GARRE1: variants seen among roughly 807,000 people sequenced by gnomAD.
GARRE1 encodes granule associated Rac and RHOG effector 1.
GARRE1 carries 49 observed loss-of-function variants against 103.2 expected under a neutral mutation model. The observed-to-expected ratio is 0.47, with a 90% CI of 0.38 to 0.60. The LOEUF (loss-of-function observed/expected upper bound fraction) is 0.60. Among genes scored for constraint, GARRE1 ranks in the 20% least tolerant of loss-of-function variants. The pLI is 0.00. For missense variants in GARRE1, 1,199 were observed against 1,370.5 expected, an observed-to-expected ratio of 0.87 and a Z score of 1.98; for synonymous variants, 505 against 532.8, an observed-to-expected ratio of 0.95 and a Z score of 0.72.
At chr19:34,290,949 C>T (rs1353349435) in intron 1 of GARRE1, among the ~76,000 whole-genome samples, 1 of 109,742 alleles carries the variant, frequency 9.1e-6, no homozygotes, top group Non-Finnish European at 1.7e-5. Flanking sequence ...CTCTGTCACC[C>T]AGGCTGGAGT....
At chr19:34,326,195 A>G (rs890466962) in intron 3 of GARRE1, among the ~76,000 whole-genome samples, 1 of 152,236 alleles carries the variant, frequency 6.6e-6, no homozygotes, top group Non-Finnish European at 1.5e-5. Flanking sequence ...GCTTCAGGCA[A>G]TGGTGTTTAC....
At chr19:34,273,539 T>C (rs1377638668) in intron 1 of GARRE1, among the ~76,000 whole-genome samples, 2 of 152,188 alleles carry the variant, frequency 1.3e-5, no homozygotes, top group East Asian at 3.8e-4. Context: ...AACAAATATT[T>C]GTTAAATGTT....
At chr19:34,332,010 T>C (rs1486786262) in intron 7 of GARRE1, among the ~76,000 whole-genome samples, 2 of 150,802 alleles carry the variant, frequency 1.3e-5, no homozygotes, top group Non-Finnish European at 3.0e-5. Flanking sequence ...AAAAAAAGGA[T>C]ATGGCATTTC....
In GARRE1 at chr19:34,351,546, C is replaced by T. The variant is rs190814778; in HGVS notation, c.2858C>T (p.Thr953Met). 3.5e-5 allele frequency: 56 copies of T among 1,614,038 alleles called. No individual in the cohort carries two copies. In the East Asian group the frequency reaches 8.2e-4, roughly 24 times the overall value. The change falls in exon 13 of 14, where the codon ACG becomes ATG. Residue 953 changes from threonine to methionine, a missense_variant. Thr to Met is a moderately conservative substitution (Grantham distance 81, BLOSUM62 -1). Transcript: ENST00000299505. ...KHSSGEQDTS[T>M]LPSPPLLTTV... is the part of the protein sequence containing the mutation. Reference sequence around the variant, plus strand: ...AGCAGTGGAGAGCAAGACACCAGCACGCTGCCCTCACCACCTCTCCTCACC... The same window carrying T: ...AGCAGTGGAGAGCAAGACACCAGCATGCTGCCCTCACCACCTCTCCTCACC...
At chr19:34,324,503 C>CTTT (rs397859412) in intron 3 of GARRE1, among the ~76,000 whole-genome samples, 4 of 135,476 alleles carry the variant, frequency 3.0e-5, no homozygotes, top group Admixed American at 7.5e-5. Context: ...CACCAGTGCA[C>CTTT]TTTTTTTTTT....
intron 2 of GARRE1, among the ~76,000 whole-genome samples, chr19:34,317,102 G>C (rs1172579217): frequency 6.6e-6 from 1 of 152,208 alleles, no homozygotes; most frequent in East Asian, 1.9e-4. Context: ...CCCCTTAGTA[G>C]GGGAGGGGAC....
chr19:34,282,014 G>A (rs1189663815), intron 1 of GARRE1, among the ~76,000 whole-genome samples: 1 of 152,092 alleles, frequency 6.6e-6, no homozygotes, highest in Non-Finnish European at 1.5e-5. Flanking sequence ...AAGCGTGTGT[G>A]TCTGTGTGTT....
At chr19:34,344,693 GAC>G (rs1389877122) in intron 10 of GARRE1, among the ~76,000 whole-genome samples, 2 of 151,402 alleles carry the variant, frequency 1.3e-5, no homozygotes, top group Admixed American at 6.6e-5. Flanking sequence ...TTTTTTTTGA[GAC>G]AGAGTCTCAC....
At chr19:34,281,607 T>C (rs2073854294) in intron 1 of GARRE1, among the ~76,000 whole-genome samples, 1 of 152,156 alleles carries the variant, frequency 6.6e-6, no homozygotes, top group Non-Finnish European at 1.5e-5. Flanking sequence ...TTGTGTGTTA[T>C]AGAGATGGGG....
chr19:34,283,893 A>G (rs4806007), intron 1 of GARRE1, among the ~76,000 whole-genome samples: 112,201 of 144,392 alleles, frequency 0.78, 44,005 homozygotes, highest in African/African-American at 0.83. Context: ...GTGCAGTGGC[A>G]TGATCTCGGC....
chr19:34,285,150 A>G (rs1459185979), intron 1 of GARRE1: 1 of 152,176 alleles, frequency 6.6e-6, no homozygotes, highest in Non-Finnish European at 1.5e-5. Context: ...TTTGTTTCAG[A>G]AATGTTCAAT....
chr19:34,273,635 G>A (rs1429299046), intron 1 of GARRE1, among the ~76,000 whole-genome samples: 3 of 152,142 alleles, frequency 2.0e-5, no homozygotes, highest in East Asian at 3.9e-4. Context: ...AGAGCAAACC[G>A]GCAGTTGTGA....
At chr19:34,304,771 A>T (rs1013784608) in intron 2 of GARRE1, among the ~76,000 whole-genome samples, 1 of 150,710 alleles carries the variant, frequency 6.6e-6, no homozygotes, top group Non-Finnish European at 1.5e-5. Flanking sequence ...TCATAATTTT[A>T]TTTTTATTTT....
chr19:34,303,057 A>T (rs2073988905), intron 2 of GARRE1, among the ~76,000 whole-genome samples: 1 of 152,314 alleles, frequency 6.6e-6, no homozygotes, highest in Admixed American at 6.5e-5. Context: ...TTTGATAGTT[A>T]AAATGAAATA....
chr19:34,260,179 C>T (rs117116163), intron 1 of GARRE1, among the ~76,000 whole-genome samples: 2,226 of 152,326 alleles, frequency 0.015, 25 homozygotes, highest in South Asian at 0.026. Context: ...ATCAACATCA[C>T]GGCAAGACCC....
At chr19:34,306,891 T>C (rs546768049) in intron 2 of GARRE1, among the ~76,000 whole-genome samples, 19 of 152,158 alleles carry the variant, frequency 1.2e-4, no homozygotes, top group African/African-American at 4.3e-4. Context: ...TCTCCCTTCA[T>C]GTAGCTAGAA....
In GARRE1 at chr19:34,307,699, ATATATACT is replaced by A. The variant is rs760216479; in HGVS notation, c.495+6738_495+6745del. On this transcript the variant is annotated intron_variant, in intron 2 of 13. Coordinates refer to ENST00000299505, the MANE Select transcript of GARRE1 (RefSeq NM_014686.5). ...TATATACATATATACTTATATATAC[ATATATACT>A]TATATATATACTATATATACATATA... Among the ~76,000 whole-genome samples the A allele has an allele frequency of 3.0e-4, 42 of 138,262 alleles. No individual in the cohort carries two copies. The East Asian group carries it at 6.2e-3, about 20-fold the overall frequency. 90.7% of individuals were successfully genotyped at this position (138,262 alleles called of 152,430 possible). A position where few individuals can be genotyped will look rare whatever the true frequency, so the allele number is the denominator to read the frequency against.
At chr19:34,305,426 A>T (rs145054558) in intron 2 of GARRE1, among the ~76,000 whole-genome samples, 525 of 152,356 alleles carry the variant, frequency 3.4e-3, no homozygotes, top group African/African-American at 0.012. Context: ...AGACTCTGAC[A>T]GCTGTCACCC....
intron 1 of GARRE1, among the ~76,000 whole-genome samples, chr19:34,279,737 G>C (rs2145220983): frequency 6.6e-6 from 1 of 152,206 alleles, no homozygotes; most frequent in African/African-American, 2.4e-5. Flanking sequence ...TGTAATCCCA[G>C]CACTTTGGGA....
Sources: allele counts gnomAD v4.1 joint callset (sites outside exome capture counted in the v4.1 genomes callset), GRCh38; gene constraint gnomAD v4.1.1; transcripts MANE v1.5; gene names NCBI Gene and HGNC (gene_info 2026-07-23, HGNC 2026-07-21).